DIAPH2: variants seen among roughly 807,000 people sequenced by gnomAD.
DIAPH2 encodes diaphanous related formin 2.
In DIAPH2, 35 loss-of-function variants were observed where a neutral mutation model predicts 92.7. The ratio of observed to expected loss-of-function variants is 0.38; its 90% CI spans 0.29 to 0.50. The LOEUF is 0.50. Among genes scored for constraint, DIAPH2 ranks in the 20% least tolerant of loss-of-function variants. The pLI, the probability that DIAPH2 is intolerant of heterozygous loss-of-function variation, is 0.94. For synonymous variants in DIAPH2, 301 were observed against 280.4 expected (o/e 1.07, Z -0.73); for missense variants, 701 against 819.5 (o/e 0.86, Z 1.77).
intron 21 of DIAPH2, among the ~76,000 whole-genome samples, chrX:97,125,214 C>G (rs771754870): frequency 9.0e-6 from 1 of 111,147 alleles, no homozygotes; most frequent in South Asian, 3.8e-4. Flanking sequence ...GTGGCTCACG[C>G]CTGTAATCCC....
Position 96,699,489 on chromosome X carries a change from G to A in DIAPH2, c.132+14299G>A, listed in dbSNP as rs1391580485. 2.7e-5 allele frequency among the ~76,000 whole-genome samples: 3 copies of A among 111,755 alleles called. No homozygotes were observed. The East Asian group carries it at 8.4e-4, about 31-fold the overall frequency. On this transcript the variant is annotated intron_variant, in intron 1 of 26. Transcript: ENST00000324765. The stretch of plus-strand genomic sequence containing the variant: ...GGGGAGGGTGCTACACTGGCATCTA[G>A]TGAATAGAGGCCTGGGTTGCTGTTC...
At chrX:96,951,216 A>G (rs2065772554) in intron 15 of DIAPH2, among the ~76,000 whole-genome samples, 1 of 111,578 alleles carries the variant, frequency 9.0e-6, no homozygotes, top group Non-Finnish European at 1.9e-5. Flanking sequence ...AAATGTTGGC[A>G]TACATTATTC....
intron 23 of DIAPH2, among the ~76,000 whole-genome samples, chrX:97,275,994 A>G (rs1178222446): frequency 8.9e-6 from 1 of 112,962 alleles, no homozygotes; most frequent in East Asian, 2.8e-4. Context: ...AACATTGAGC[A>G]CTGAGTGAAC....
At chrX:96,689,805 C>A (rs1024271013) in intron 1 of DIAPH2, among the ~76,000 whole-genome samples, 1 of 111,205 alleles carries the variant, frequency 9.0e-6, no homozygotes, top group Admixed American at 9.6e-5. Context: ...ATATTTTAAA[C>A]TGCCTCTGGG....
At chrX:96,912,120 C>T (rs2065472294) in intron 5 of DIAPH2, among the ~76,000 whole-genome samples, 2 of 111,058 alleles carry the variant, frequency 1.8e-5, no homozygotes, top group African/African-American at 6.5e-5. Context: ...AATGGGCAAT[C>T]TAAAATGTGG....
chrX:96,899,603 C>T (rs2065377115), intron 5 of DIAPH2, among the ~76,000 whole-genome samples: 1 of 111,350 alleles, frequency 9.0e-6, no homozygotes, highest in Admixed American at 9.5e-5. Context: ...GCTGAAGTTG[C>T]TTATCAGCTT....
intron 4 of DIAPH2, among the ~76,000 whole-genome samples, chrX:96,851,300 G>A (rs990648638): frequency 1.8e-5 from 2 of 111,109 alleles, no homozygotes; most frequent in African/African-American, 3.3e-5. Context: ...ACGGGGTTGC[G>A]TCACGTTGCC....
chrX:97,205,742 G>A lies in DIAPH2; in HGVS notation c.2720-41973G>A, dbSNP rs1045829571. 2.7e-5 allele frequency among the ~76,000 whole-genome samples: 3 copies of A among 111,559 alleles called. No homozygotes were observed. In the South Asian group the frequency reaches 1.1e-3, roughly 42 times the overall value. On this transcript the variant is annotated intron_variant, in intron 22 of 26. Transcript: ENST00000324765. ...TAGTTCAACCATTGTGGAAGACAGT[G>A]TGGCGATTCCTCAAGGATCCAGAAC... is the stretch of plus-strand genomic sequence containing the variant.
intron 26 of DIAPH2, among the ~76,000 whole-genome samples, chrX:97,446,090 T>A (rs145443490): frequency 0.1 from 11,174 of 110,927 alleles, 607 homozygotes; most frequent in Admixed American, 0.18. Flanking sequence ...TCATCACCAC[T>A]GGAATTTACA....
chrX:97,030,611 A>C (rs1369740264), intron 17 of DIAPH2, among the ~76,000 whole-genome samples: 1 of 111,239 alleles, frequency 9.0e-6, no homozygotes, highest in East Asian at 2.8e-4. Flanking sequence ...ACAAGAATAA[A>C]GAGCTCATAT....
intron 17 of DIAPH2, among the ~76,000 whole-genome samples, chrX:97,045,848 A>ATTT (rs758666786): frequency 2.6e-4 from 17 of 64,413 alleles, no homozygotes; most frequent in African/African-American, 8.4e-4. Context: ...GTATTTTAGG[A>ATTT]TTTTTTTTTT....
chrX:97,511,742 C>T (rs1181817343), intron 26 of DIAPH2, among the ~76,000 whole-genome samples: 1 of 110,752 alleles, frequency 9.0e-6, no homozygotes, highest in Non-Finnish European at 1.9e-5. Flanking sequence ...TTGTCAAAGG[C>T]CTTTTCTGCA....
chrX:97,221,720 G>T (rs2067926957), intron 22 of DIAPH2, among the ~76,000 whole-genome samples: 1 of 111,689 alleles, frequency 9.0e-6, no homozygotes, highest in Admixed American at 9.5e-5. Flanking sequence ...TTTTGTTGTT[G>T]TTGTTAAGTA....
intron 26 of DIAPH2, among the ~76,000 whole-genome samples, chrX:97,480,739 C>T (rs2070645072): frequency 9.0e-6 from 1 of 111,061 alleles, no homozygotes. Context: ...TAATTATTAC[C>T]GATCCCTTGA....
intron 26 of DIAPH2, among the ~76,000 whole-genome samples, chrX:97,477,487 C>A (rs1357952645): frequency 9.0e-6 from 1 of 111,202 alleles, no homozygotes; most frequent in Non-Finnish European, 1.9e-5. Context: ...AGCCAGGAGT[C>A]CCAGCTACTC....
chrX:96,799,701 G>C (rs2064567421), intron 4 of DIAPH2, among the ~76,000 whole-genome samples: 1 of 110,174 alleles, frequency 9.1e-6, no homozygotes, highest in Admixed American at 9.7e-5. Context: ...CCAGCTACTC[G>C]GGAGGCCAAG....
chrX:97,311,859 C>T (rs1306822791), intron 23 of DIAPH2, among the ~76,000 whole-genome samples: 1 of 110,286 alleles, frequency 9.1e-6, no homozygotes, highest in Admixed American at 9.8e-5. Flanking sequence ...GACAGAGTCT[C>T]GCCTGTGGCC....
intron 24 of DIAPH2, among the ~76,000 whole-genome samples, chrX:97,382,650 T>C (rs901205311): frequency 2.7e-5 from 3 of 111,522 alleles, no homozygotes; most frequent in African/African-American, 9.8e-5. Flanking sequence ...ACCTTTGTGC[T>C]CCTAGCCTAT....
chrX:96,881,548 G>T, intron 4 of DIAPH2, 31 bp from the exon 5 acceptor site: 1 of 1,160,304 alleles, frequency 8.6e-7, no homozygotes. Context: ...TTGAAACATT[G>T]TCTAAAATGG....
Sources: allele counts gnomAD v4.1 joint callset (sites outside exome capture counted in the v4.1 genomes callset), GRCh38; gene constraint gnomAD v4.1.1; transcripts MANE v1.5; gene names NCBI Gene and HGNC (gene_info 2026-07-23, HGNC 2026-07-21).